Variants in CRPPA observed in about 807,000 individuals in gnomAD.
CRPPA encodes the protein D-ribitol-5-phosphate cytidylyltransferase.
In CRPPA, 43 loss-of-function variants were observed where a neutral mutation model predicts 52.0. The observed-to-expected ratio is 0.83, with a 90% confidence interval of 0.65 to 1.07. The LOEUF is 1.07. Among genes scored for constraint, CRPPA ranks in the 50% least tolerant of loss-of-function variants. The pLI is 0.00. For missense variants in CRPPA, 629 were observed against 551.7 expected, an observed-to-expected ratio of 1.14 and a Z score of -1.40; for synonymous variants, 250 against 203.5, an observed-to-expected ratio of 1.23 and a Z score of -1.94.
intron 8 of CRPPA, among the ~76,000 whole-genome samples, chr7:16,228,945 T>C (rs758103128): frequency 3.7e-4 from 56 of 152,164 alleles, no homozygotes; most frequent in Non-Finnish European, 4.1e-4. Flanking sequence ...TTCAGATCTA[T>C]TAATATTTGC....
chr7:16,224,733 G>A (rs989110432), intron 8 of CRPPA, among the ~76,000 whole-genome samples: 1 of 152,026 alleles, frequency 6.6e-6, no homozygotes, highest in African/African-American at 2.4e-5. Context: ...GATGACACCA[G>A]CCGATACTAA....
At chr7:16,230,155 A>G (rs768047087) in intron 8 of CRPPA, among the ~76,000 whole-genome samples, 2 of 152,064 alleles carry the variant, frequency 1.3e-5, no homozygotes, top group Non-Finnish European at 2.9e-5. Flanking sequence ...GACCTTTGAC[A>G]TTTCTGTACC....
chr7:16,385,154 A>G (rs908397804), intron 2 of CRPPA, among the ~76,000 whole-genome samples: 5 of 152,168 alleles, frequency 3.3e-5, no homozygotes, highest in South Asian at 2.1e-4. Context: ...ATAAATGAAC[A>G]GAGCCGCAGA....
At chr7:16,240,252 T>A (rs562081990) in intron 8 of CRPPA, among the ~76,000 whole-genome samples, 1 of 151,140 alleles carries the variant, frequency 6.6e-6, no homozygotes, top group East Asian at 1.9e-4. Context: ...TTTTAACCAG[T>A]ATTTATTTAG....
At chr7:16,279,580 T>A (rs1784278640) in intron 5 of CRPPA, among the ~76,000 whole-genome samples, 1 of 152,146 alleles carries the variant, frequency 6.6e-6, no homozygotes, top group African/African-American at 2.4e-5. Context: ...CACAAATGAA[T>A]GTTTTAGACA....
intron 8 of CRPPA, among the ~76,000 whole-genome samples, chr7:16,242,631 T>A (rs1783150074): frequency 1.3e-5 from 2 of 152,142 alleles, no homozygotes; most frequent in African/African-American, 4.8e-5. Flanking sequence ...AAATCACATA[T>A]GAAAAAAGTT....
chr7:16,220,729 A>C (rs1285946034), intron 8 of CRPPA, among the ~76,000 whole-genome samples: 8 of 150,258 alleles, frequency 5.3e-5, no homozygotes, highest in East Asian at 3.9e-4. Flanking sequence ...TAGGAATCCA[A>C]CTTACAAGGG....
At chr7:16,163,574 A>T (rs1347725383) in intron 9 of CRPPA, among the ~76,000 whole-genome samples, 4 of 151,996 alleles carry the variant, frequency 2.6e-5, no homozygotes, top group Non-Finnish European at 5.9e-5. Flanking sequence ...CTAGCTGGTT[A>T]TTTTGCCCAT....
intron 2 of CRPPA, among the ~76,000 whole-genome samples, chr7:16,403,854 GCTGCT>G (rs1787888486): frequency 2.3e-5 from 1 of 43,484 alleles, no homozygotes; most frequent in Non-Finnish European, 3.9e-5. Flanking sequence ...CTAGCCTTGA[GCTGCT>G]CTTTTACAGC....
chr7:16,420,804 G>T (rs1268570344), intron 1 of CRPPA, among the ~76,000 whole-genome samples: 2 of 152,024 alleles, frequency 1.3e-5, no homozygotes, highest in Non-Finnish European at 2.9e-5. Context: ...TCTAATCGGC[G>T]CCACACGACG....
chr7:16,233,806 G>A (rs1353116168), intron 8 of CRPPA, among the ~76,000 whole-genome samples: 1 of 152,136 alleles, frequency 6.6e-6, no homozygotes, highest in African/African-American at 2.4e-5. Context: ...AAATGAATGA[G>A]TGAAATATCA....
At chr7:16,145,698 C>A (rs1233483148) in intron 9 of CRPPA, among the ~76,000 whole-genome samples, 1 of 147,576 alleles carries the variant, frequency 6.8e-6, no homozygotes. Context: ...AATAAACAAA[C>A]AGAGATCTTT....
intron 9 of CRPPA, among the ~76,000 whole-genome samples, chr7:16,170,977 G>A (rs1385927667): frequency 6.6e-6 from 1 of 152,212 alleles, no homozygotes; most frequent in African/African-American, 2.4e-5. Context: ...CACAAGAAGA[G>A]GGAAGCCGGC....
chr7:16,311,234 A>C (rs12699777), intron 3 of CRPPA, among the ~76,000 whole-genome samples: 6,477 of 152,222 alleles, frequency 0.043, 181 homozygotes, highest in Non-Finnish European at 0.068. Flanking sequence ...TGTATTATAC[A>C]TTCTATGAGT....
chr7:16,407,524 T>C (rs555491637), intron 1 of CRPPA, among the ~76,000 whole-genome samples: 1 of 152,334 alleles, frequency 6.6e-6, no homozygotes, highest in Non-Finnish European at 1.5e-5. Context: ...TCCTATACTT[T>C]CATGCTAAAA....
At chr7:16,148,109 T>C (rs1783008710) in intron 9 of CRPPA, among the ~76,000 whole-genome samples, 1 of 152,184 alleles carries the variant, frequency 6.6e-6, no homozygotes, top group African/African-American at 2.4e-5. Context: ...CCCAATGTAA[T>C]CTTATATAGG....
intron 9 of CRPPA, among the ~76,000 whole-genome samples, chr7:16,151,993 T>C (rs1261984791): frequency 6.6e-6 from 1 of 152,000 alleles, no homozygotes; most frequent in Non-Finnish European, 1.5e-5. Flanking sequence ...TTGAACAACA[T>C]ATTCTTCAAA....
At chr7:16,392,453 A>C (rs1405612759) in intron 2 of CRPPA, among the ~76,000 whole-genome samples, 1 of 152,160 alleles carries the variant, frequency 6.6e-6, no homozygotes, top group Non-Finnish European at 1.5e-5. Context: ...ATAGACTTAT[A>C]TTATCTGAAA....
chr7:16,364,657 T>G (rs1424467517), intron 3 of CRPPA, among the ~76,000 whole-genome samples: 2 of 152,226 alleles, frequency 1.3e-5, no homozygotes, highest in African/African-American at 4.8e-5. Context: ...ATGTAATCAA[T>G]GTGCAGTGTG....
Sources: allele counts gnomAD v4.1 joint callset (sites outside exome capture counted in the v4.1 genomes callset), GRCh38; gene constraint gnomAD v4.1.1; transcripts MANE v1.5; gene names NCBI Gene and HGNC (gene_info 2026-07-23, HGNC 2026-07-21).